The following ZFAT variants were observed in gnomAD, a reference collection of about 807,000 sequenced individuals.
ZFAT encodes zinc finger protein ZFAT.
ZFAT carries 64 observed loss-of-function variants against 117.7 expected under a neutral mutation model. The ratio of observed to expected loss-of-function variants is 0.54; its 90% CI spans 0.44 to 0.67. The LOEUF is 0.67. Ranked by LOEUF, ZFAT falls within the 30% of genes least tolerant of loss-of-function variation. The pLI, the probability that ZFAT is intolerant of heterozygous loss-of-function variation, is 0.00. For synonymous variants in ZFAT, 679 were observed against 615.0 expected, an observed-to-expected ratio of 1.10 and a Z score of -1.54; for missense variants, 1,433 against 1,584.5, an observed-to-expected ratio of 0.90 and a Z score of 1.62.
the ZFAT span, chr8:134,784,656 T>C: frequency 7.4e-4 from 112 of 152,282 alleles, 1 homozygote; most frequent in African/African-American, 2.6e-3. Flanking sequence ...AGAAAGGACC[T>C]TTTTAGTCTA....
At chr8:134,719,903 C>T in the ZFAT span, among the ~76,000 whole-genome samples, 1 of 152,208 alleles carries the variant, frequency 6.6e-6, no homozygotes, top group Non-Finnish European at 1.5e-5. Context: ...TGGTGGCCCC[C>T]AATGAACTAT....
At chr8:134,664,566 C>T (rs1832114465) in intron 1 of ZFAT, among the ~76,000 whole-genome samples, 1 of 152,236 alleles carries the variant, frequency 6.6e-6, no homozygotes, top group African/African-American at 2.4e-5. Context: ...CCAGGCCTCC[C>T]ACGGGGAGGG....
chr8:134,707,799 C>T (rs934512011), intron 1 of ZFAT, among the ~76,000 whole-genome samples: 6 of 152,208 alleles, frequency 3.9e-5, no homozygotes, highest in South Asian at 2.1e-4. Flanking sequence ...CAAAGGCATC[C>T]GATTCCAGAG....
intron 1 of ZFAT, 127 bp downstream of exon 1, chr8:134,712,718 C>CGCGGCCGGCCGCCGGCCG (rs1554626143): frequency 1.2e-6 from 1 of 821,472 alleles, no homozygotes; most frequent in East Asian, 3.7e-5. Context: ...CGGATCCCTC[C>CGCGGCCGGCCGCCGGCCG]GCGGCCGGCG....
chr8:134,665,193 G>C (rs148092351), intron 1 of ZFAT, among the ~76,000 whole-genome samples: 87 of 152,332 alleles, frequency 5.7e-4, no homozygotes, highest in African/African-American at 1.3e-3. Context: ...CTGAGGGGGA[G>C]ACTGAGTCCC....
At chr8:134,552,630 G>A (rs1433349262) in intron 11 of ZFAT, among the ~76,000 whole-genome samples, 1 of 152,208 alleles carries the variant, frequency 6.6e-6, no homozygotes, top group African/African-American at 2.4e-5. Flanking sequence ...CCTTGTGAAA[G>A]AGCATACTCA....
At chr8:134,658,454 A>G (rs772993442) in intron 1 of ZFAT, among the ~76,000 whole-genome samples, 8 of 152,196 alleles carry the variant, frequency 5.3e-5, no homozygotes, top group Non-Finnish European at 1.2e-4. Context: ...CACAAGGAAA[A>G]GTTGACCACA....
chr8:134,663,350 A>C (rs1474381362), intron 1 of ZFAT, among the ~76,000 whole-genome samples: 1 of 152,260 alleles, frequency 6.6e-6, no homozygotes, highest in African/African-American at 2.4e-5. Context: ...GCTATTTGGT[A>C]TGAATACAAT....
intron 2 of ZFAT, among the ~76,000 whole-genome samples, chr8:134,654,982 T>A (rs562820192): frequency 6.6e-6 from 1 of 152,266 alleles, no homozygotes; most frequent in African/African-American, 2.4e-5. Flanking sequence ...GACCAAAAAG[T>A]GTTCCTCAGG....
At chr8:134,490,809 G>C (rs1182437662) in intron 15 of ZFAT, among the ~76,000 whole-genome samples, 1 of 152,126 alleles carries the variant, frequency 6.6e-6, no homozygotes, top group Non-Finnish European at 1.5e-5. Flanking sequence ...AGTCTGAGAG[G>C]CAAGTCCTGC....
the ZFAT span, among the ~76,000 whole-genome samples, chr8:134,813,898 G>A: frequency 1.3e-5 from 2 of 151,056 alleles, no homozygotes; most frequent in Non-Finnish European, 2.9e-5. Flanking sequence ...TTAAACAAAG[G>A]GAGGCTCAAG....
intron 14 of ZFAT, 77 bp downstream of exon 14, chr8:134,512,398 T>G: frequency 6.4e-7 from 1 of 1,563,546 alleles, no homozygotes; most frequent in Non-Finnish European, 8.7e-7. Flanking sequence ...TGGACATCAT[T>G]CATCTGCAAA....
the ZFAT span, among the ~76,000 whole-genome samples, chr8:134,772,126 A>G: frequency 2.6e-5 from 4 of 152,348 alleles, no homozygotes; most frequent in African/African-American, 9.6e-5. Flanking sequence ...ATGAGACACA[A>G]CAATATTGAA....
At chr8:134,746,738 A>C in the ZFAT span, among the ~76,000 whole-genome samples, 1 of 152,238 alleles carries the variant, frequency 6.6e-6, no homozygotes, top group African/African-American at 2.4e-5. Context: ...CTTCAGCCAG[A>C]TATCAATCAA....
In ZFAT at chr8:134,478,359, C is replaced by T. The variant is rs1430051400; in HGVS notation, c.*123G>A. ...GGACTAGGAGAGTCCTATCAGGCTG[C>T]TGGGCAGGGAGGGCAAAGGAGAGCA... is the stretch of plus-strand genomic sequence containing the variant. On this transcript the variant is annotated 3_prime_UTR_variant, in exon 16 of 16. Coordinates refer to ENST00000377838, the MANE Select transcript of ZFAT (RefSeq NM_020863.4). The surrounding 1 kb of genome is among the most constrained non-coding windows in gnomAD (Gnocchi z 5.2). 2 of 1,414,108 alleles carry T rather than the reference C, an allele frequency of 1.4e-6. No homozygotes were observed. The highest frequency in any genetic ancestry group is 1.9e-6 in the Non-Finnish European group (2 of 1,067,528). 87.6% of individuals were successfully genotyped at this position (1,414,108 alleles called of 1,614,324 possible).
intron 3 of ZFAT, among the ~76,000 whole-genome samples, chr8:134,626,153 G>C (rs1469185158): frequency 3.3e-5 from 5 of 152,340 alleles, no homozygotes; most frequent in Non-Finnish European, 7.4e-5. Context: ...AGTGGGAGAG[G>C]GGGGCTGCAG....
At chr8:134,563,476 G>C (rs1824200365) in intron 11 of ZFAT, among the ~76,000 whole-genome samples, 2 of 152,150 alleles carry the variant, frequency 1.3e-5, no homozygotes, top group South Asian at 4.1e-4. Flanking sequence ...TACAAGAGGG[G>C]GAACCATGAA....
chr8:134,489,429 C>T (rs902450380), intron 15 of ZFAT, among the ~76,000 whole-genome samples: 2 of 152,104 alleles, frequency 1.3e-5, no homozygotes, highest in Non-Finnish European at 1.5e-5. Context: ...CTGGCCAGTC[C>T]GACCCTCACA....
intron 13 of ZFAT, among the ~76,000 whole-genome samples, chr8:134,520,432 C>T (rs1293280781): frequency 6.6e-6 from 1 of 151,942 alleles, no homozygotes; most frequent in Non-Finnish European, 1.5e-5. Context: ...TGACTGGTTC[C>T]AACTCCTAAG....
Sources: gnomAD v4.1 joint callset for allele counts (sites outside exome capture counted in the v4.1 genomes callset) on GRCh38, gnomAD v4.1.1 for gene constraint, Gnocchi (gnomAD v3.1) non-coding constraint, MANE v1.5 for transcripts, NCBI Gene and HGNC (gene_info 2026-07-23, HGNC 2026-07-21) for gene names.